Variants in STK32C observed in about 807,000 individuals in gnomAD.
STK32C encodes the protein serine/threonine-protein kinase 32C.
In STK32C, 31 loss-of-function variants were observed where a neutral mutation model predicts 56.5. That is an observed-to-expected ratio of 0.55 (90% confidence interval 0.41 to 0.74). The LOEUF (loss-of-function observed/expected upper bound fraction) is 0.74. Ranked by LOEUF, STK32C falls within the 30% of genes least tolerant of loss-of-function variation. STK32C has a pLI of 0.00. For synonymous variants in STK32C, 309 were observed against 289.4 expected, an observed-to-expected ratio of 1.07 and a Z score of -0.69; for missense variants, 544 against 676.9, an observed-to-expected ratio of 0.80 and a Z score of 2.18.
At chr10:132,212,075 G>A (rs2062322423) in intron 10 of STK32C, among the ~76,000 whole-genome samples, 1 of 152,080 alleles carries the variant, frequency 6.6e-6, no homozygotes. Flanking sequence ...CCACAAACCT[G>A]CTTGGCAGCT....
chr10:132,269,840 G>A (rs1022874375), intron 1 of STK32C, among the ~76,000 whole-genome samples: 2 of 152,232 alleles, frequency 1.3e-5, no homozygotes, highest in Admixed American at 6.5e-5. Context: ...GGTGTTGGGA[G>A]GAGGCGTTCA....
intron 1 of STK32C, among the ~76,000 whole-genome samples, chr10:132,256,107 G>A (rs1056406455): frequency 6.6e-5 from 10 of 152,198 alleles, no homozygotes; most frequent in African/African-American, 2.2e-4. Flanking sequence ...CTGTGCCCCA[G>A]GCTCCATCTT....
chr10:132,303,734 T>C (rs542655496), intron 1 of STK32C, among the ~76,000 whole-genome samples: 4 of 152,386 alleles, frequency 2.6e-5, no homozygotes, highest in African/African-American at 9.6e-5. Context: ...TGCCATCTTT[T>C]AATCTCTTAG....
rs889563203 is a variant in STK32C at position 132,226,290 on chromosome 10, C to T, written c.644+505G>A. Among the ~76,000 whole-genome samples the T allele has an allele frequency of 4.6e-5, 7 of 152,232 alleles. No individual in the cohort carries two copies. In the South Asian group the frequency reaches 6.2e-4, roughly 14 times the overall value. ...ATATTTTCATTTTGTTCCATTGCTG[C>T]GGAATTTCAGCCTAATTTCTGCTTC... is the stretch of plus-strand genomic sequence containing the variant. On this transcript the variant is annotated intron_variant, in intron 4 of 11. Coordinates refer to ENST00000298630, the MANE Select transcript of STK32C (RefSeq NM_173575.4).
intron 1 of STK32C, among the ~76,000 whole-genome samples, chr10:132,327,082 G>A (rs915953877): frequency 2.0e-5 from 3 of 152,200 alleles, no homozygotes; most frequent in Non-Finnish European, 4.4e-5. Flanking sequence ...ATACGGTTTG[G>A]CTGTGTCTCC....
At chr10:132,225,689 C>T in intron 5 of STK32C, 58 bp downstream of exon 5, 2 of 1,611,844 alleles carry the variant, frequency 1.2e-6, no homozygotes, top group South Asian at 1.1e-5. Flanking sequence ...TCCTCCTCCC[C>T]TGACAGGCCC....
chr10:132,259,774 ACCAT>A (rs1342623278), intron 1 of STK32C, among the ~76,000 whole-genome samples: 1 of 152,128 alleles, frequency 6.6e-6, no homozygotes, highest in African/African-American at 2.4e-5. Flanking sequence ...ACTAATAACC[ACCAT>A]CTCAGGAAAC....
chr10:132,318,993 G>A (rs2066356452), intron 1 of STK32C, among the ~76,000 whole-genome samples: 1 of 152,166 alleles, frequency 6.6e-6, no homozygotes, highest in African/African-American at 2.4e-5. Context: ...TTGTCGCCCA[G>A]GCTGGAGTGC....
intron 1 of STK32C, among the ~76,000 whole-genome samples, chr10:132,280,086 G>A (rs1168495448): frequency 5.5e-5 from 5 of 90,458 alleles, no homozygotes; most frequent in East Asian, 7.2e-4. Context: ...CCCTGCACTC[G>A]GTGATCACAC....
intron 10 of STK32C, among the ~76,000 whole-genome samples, chr10:132,221,858 ACGTGGC>A: frequency 8.9e-6 from 1 of 112,210 alleles, no homozygotes; most frequent in African/African-American, 2.9e-5. Context: ...TGAGGGCTTC[ACGTGGC>A]CATCCCTGCA....
intron 2 of STK32C, among the ~76,000 whole-genome samples, chr10:132,238,967 C>T (rs1319714836): frequency 2.0e-5 from 3 of 152,284 alleles, no homozygotes; most frequent in East Asian, 3.9e-4. Flanking sequence ...CCAGCCCTGT[C>T]GGGTCCTCAG....
chr10:132,281,145 C>T (rs2065190949), intron 1 of STK32C, among the ~76,000 whole-genome samples: 1 of 151,612 alleles, frequency 6.6e-6, no homozygotes, highest in African/African-American at 2.4e-5. Flanking sequence ...CAGAGCAAGA[C>T]CTATCTTTAA....
intron 1 of STK32C, among the ~76,000 whole-genome samples, chr10:132,316,379 G>A (rs2066310418): frequency 6.6e-6 from 1 of 152,188 alleles, no homozygotes; most frequent in Non-Finnish European, 1.5e-5. Flanking sequence ...TTAGGAGGCT[G>A]AGGTGGGAGG....
At chr10:132,232,410 G>A (rs539161900) in intron 2 of STK32C, among the ~76,000 whole-genome samples, 8 of 152,282 alleles carry the variant, frequency 5.3e-5, no homozygotes, top group South Asian at 2.1e-4. Flanking sequence ...TCCAACGAGC[G>A]GTGGCGTAAA....
At chr10:132,259,791 TG>T (rs374958448) in intron 1 of STK32C, among the ~76,000 whole-genome samples, 10 of 152,354 alleles carry the variant, frequency 6.6e-5, no homozygotes, top group African/African-American at 2.4e-4. Context: ...CAGGAAACCA[TG>T]GCCGGCATTC....
intron 1 of STK32C, among the ~76,000 whole-genome samples, chr10:132,279,674 A>ACTCCGTGATCACGACACTCCC: frequency 6.8e-6 from 1 of 146,488 alleles, no homozygotes; most frequent in African/African-American, 2.6e-5. Flanking sequence ...AAGCCACTGC[A>ACTCCGTGATCACGACACTCCC]CTCCGTGATC....
intron 2 of STK32C, among the ~76,000 whole-genome samples, chr10:132,239,694 A>G (rs1650512163): frequency 6.6e-6 from 1 of 152,230 alleles, no homozygotes; most frequent in South Asian, 2.1e-4. Flanking sequence ...GCCCGGCAGC[A>G]GGCCAGCAGA....
chr10:132,253,612 CGAGGGAGCTGGAGGGAGCT>C lies in STK32C; in HGVS notation c.263-7676_263-7658del, dbSNP rs1172540659. On this transcript the variant is annotated intron_variant, in intron 1 of 11. Transcript: ENST00000298630. ...GGGAGCCGAGGGAGCTGGAGGGAGC[CGAGGGAGCTGGAGGGAGCT>C]GAGGGAGCTGGAGGGAGTCGAGAGA... Among the ~76,000 whole-genome samples the C allele has an allele frequency of 5.8e-3, 717 of 124,032 alleles. 4 individuals are homozygous for C. The highest frequency in any genetic ancestry group is 8.5e-3 in the Non-Finnish European group (494 of 58,252). 81.4% of individuals were successfully genotyped at this position (124,032 alleles called of 152,430 possible).
chr10:132,319,791 C>G (rs2066369509), downstream of STK32C, among the ~76,000 whole-genome samples: 1 of 151,928 alleles, frequency 6.6e-6, no homozygotes, highest in Non-Finnish European at 1.5e-5. Context: ...TGTGTCTTCA[C>G]AATGGCTTGT....
Sources: allele counts gnomAD v4.1 joint callset (sites outside exome capture counted in the v4.1 genomes callset), GRCh38; gene constraint gnomAD v4.1.1; transcripts MANE v1.5; gene names NCBI Gene and HGNC (gene_info 2026-07-23, HGNC 2026-07-21).